IL16: variants seen among roughly 807,000 people sequenced by gnomAD.
The protein encoded by IL16 is pro-interleukin-16.
IL16 carries 67 observed loss-of-function variants against 110.1 expected under a neutral mutation model. That is an observed-to-expected ratio of 0.61 (90% confidence interval 0.50 to 0.75). IL16 has a LOEUF of 0.75. Ranked by LOEUF, IL16 falls within the 30% of genes least tolerant of loss-of-function variation. IL16 has a pLI of 0.00. For synonymous variants in IL16, 689 were observed against 662.9 expected, an observed-to-expected ratio of 1.04 and a Z score of -0.61; for missense variants, 1,545 against 1,655.0, an observed-to-expected ratio of 0.93 and a Z score of 1.15.
intron 2 of IL16, among the ~76,000 whole-genome samples, chr15:81,249,789 C>T (rs970000440): frequency 3.9e-5 from 6 of 152,132 alleles, no homozygotes; most frequent in African/African-American, 1.4e-4. Flanking sequence ...CTATTCCCTT[C>T]TTGTGGAACA....
Position 81,313,599 on chromosome 15 carries a change from G to T in IL16, c.*4801G>T. 2.4e-6 allele frequency: 1 copy of T among 415,992 alleles called. No homozygotes were observed. The highest frequency in any genetic ancestry group is 3.8e-5 in the East Asian group (1 of 26,170). 25.8% of individuals were successfully genotyped at this position (415,992 alleles called of 1,614,324 possible). ...CAGGATGGAAACCCATCCTGTCGGG[G>T]ATGCATTCCACAGCCTCTCCCGGCC... On this transcript the variant is annotated 3_prime_UTR_variant, in exon 19 of 19. Transcript: ENST00000683961.
At chr15:81,270,726 C>G (rs1051472972) in intron 5 of IL16, among the ~76,000 whole-genome samples, 15 of 152,112 alleles carry the variant, frequency 9.9e-5, no homozygotes, top group African/African-American at 3.4e-4. Context: ...ATGGTAAACG[C>G]CACCAAAACT....
intron 1 of IL16, among the ~76,000 whole-genome samples, chr15:81,220,086 G>C (rs2142018889): frequency 6.6e-6 from 1 of 152,300 alleles, no homozygotes; most frequent in South Asian, 2.1e-4. Flanking sequence ...ACAATGTATA[G>C]AGACATACAC....
chr15:81,291,026 A>C (rs1031282051), intron 11 of IL16, among the ~76,000 whole-genome samples: 5 of 152,246 alleles, frequency 3.3e-5, no homozygotes, highest in Non-Finnish European at 7.3e-5. Context: ...TTATAAGAAA[A>C]AGTGAGGCCC....
At chr15:81,296,390 CAGAG>C (rs1355648119) in intron 12 of IL16, among the ~76,000 whole-genome samples, 1 of 152,222 alleles carries the variant, frequency 6.6e-6, no homozygotes, top group Non-Finnish European at 1.5e-5. Flanking sequence ...CTAGGTGCCA[CAGAG>C]GGGAGCAATG....
chr15:81,249,654 A>C (rs1268505990), intron 2 of IL16, among the ~76,000 whole-genome samples: 3 of 152,072 alleles, frequency 2.0e-5, no homozygotes, highest in Admixed American at 2.0e-4. Context: ...TTTGCTAAGA[A>C]CTATCTAGAT....
Position 81,265,838 on chromosome 15 carries a change from C to G in IL16, c.564+37C>G, listed in dbSNP as rs767657360. ...AGGAGGGAAACTCAGAGAAGAGTTT[C>G]TCCCGGGGAGAAGGGAGGGGCCCAA... On this transcript the variant is annotated intron_variant, in intron 4 of 18. Transcript: ENST00000683961. 1.6e-5 allele frequency: 26 copies of G among 1,584,366 alleles called. No homozygotes were observed. The South Asian group carries it at 2.6e-4, about 16-fold the overall frequency.
chr15:81,265,926 G>C (rs1898362868), intron 4 of IL16, 125 bp downstream of exon 4: 1 of 863,220 alleles, frequency 1.2e-6, no homozygotes, highest in Non-Finnish European at 1.7e-6. Flanking sequence ...ACAGAGGAGA[G>C]GGTCTCGCTT....
intron 4 of IL16, among the ~76,000 whole-genome samples, chr15:81,268,599 A>G (rs1381425858): frequency 3.3e-5 from 5 of 152,272 alleles, no homozygotes; most frequent in Non-Finnish European, 5.9e-5. Flanking sequence ...GATATCAGAG[A>G]GCAGGGAGCA....
At chr15:81,277,299 T>A in intron 6 of IL16, among the ~76,000 whole-genome samples, 1 of 152,150 alleles carries the variant, frequency 6.6e-6, no homozygotes, top group Non-Finnish European at 1.5e-5. Context: ...AGAGATAGTA[T>A]GCAAAAAGAT....
At chr15:81,289,438 T>C (rs1431850719) in intron 10 of IL16, among the ~76,000 whole-genome samples, 3 of 152,128 alleles carry the variant, frequency 2.0e-5, no homozygotes, top group African/African-American at 7.2e-5. Context: ...CCCAGCCTCT[T>C]TTCTTTTTGT....
intron 2 of IL16, among the ~76,000 whole-genome samples, chr15:81,249,126 T>G (rs978721580): frequency 2.0e-4 from 30 of 152,338 alleles, no homozygotes; most frequent in African/African-American, 7.2e-4. Context: ...TCTTCCTGAA[T>G]AACAGAAAAA....
intron 9 of IL16, among the ~76,000 whole-genome samples, chr15:81,284,232 A>G (rs965845204): frequency 1.3e-5 from 2 of 152,200 alleles, no homozygotes; most frequent in Non-Finnish European, 2.9e-5. Context: ...GTATAGTGCA[A>G]ATATATCATC....
intron 1 of IL16, among the ~76,000 whole-genome samples, chr15:81,202,553 C>T (rs551344942): frequency 6.6e-6 from 1 of 150,726 alleles, no homozygotes; most frequent in Non-Finnish European, 1.5e-5. Flanking sequence ...TCAATTCCAC[C>T]TATGAGTGAG....
At chr15:81,235,521 G>GC (rs968708538) in intron 2 of IL16, among the ~76,000 whole-genome samples, 3 of 151,920 alleles carry the variant, frequency 2.0e-5, no homozygotes, top group East Asian at 1.9e-4. Flanking sequence ...TTCCCACTAG[G>GC]CCCCCCCTCC....
intron 2 of IL16, among the ~76,000 whole-genome samples, chr15:81,227,423 A>AG (rs1567006601): frequency 6.6e-6 from 1 of 152,226 alleles, no homozygotes; most frequent in African/African-American, 2.4e-5. Context: ...AATGAAGTGG[A>AG]GGGGGGTGCA....
At chr15:81,202,715 A>G (rs1177493987) in intron 1 of IL16, among the ~76,000 whole-genome samples, 4 of 152,184 alleles carry the variant, frequency 2.6e-5, no homozygotes, top group Non-Finnish European at 4.4e-5. Flanking sequence ...TTCTTAATCC[A>G]GTCTATCATT....
At chr15:81,226,636 A>G (rs1896797512) in intron 2 of IL16, among the ~76,000 whole-genome samples, 1 of 152,176 alleles carries the variant, frequency 6.6e-6, no homozygotes, top group Admixed American at 6.5e-5. Flanking sequence ...ACACATAATA[A>G]ACAACATTTG....
At chr15:81,193,788 G>A (rs1016925872), upstream of IL16, among the ~76,000 whole-genome samples, 1 of 152,228 alleles carries the variant, frequency 6.6e-6, no homozygotes, top group South Asian at 2.1e-4. Context: ...GTTTGCATCC[G>A]TAAGTGGGGA....
Sources: gnomAD v4.1 joint callset for allele counts (sites outside exome capture counted in the v4.1 genomes callset) on GRCh38, gnomAD v4.1.1 for gene constraint, MANE v1.5 for transcripts, NCBI Gene and HGNC (gene_info 2026-07-23, HGNC 2026-07-21) for gene names.